GALNT2: variants seen among roughly 807,000 people sequenced by gnomAD.
GALNT2 encodes polypeptide N-acetylgalactosaminyltransferase 2, also known as UDP-GalNAc:polypeptide N-acetylgalactosaminyltransferase 2.
Under a neutral mutation model 81.4 loss-of-function variants are expected in GALNT2, and 31 were observed. That is an observed-to-expected ratio of 0.38 (90% CI 0.29 to 0.51). GALNT2 has a LOEUF of 0.51. Among genes scored for constraint, GALNT2 ranks in the 20% least tolerant of loss-of-function variants. GALNT2 has a pLI of 0.87. For synonymous variants in GALNT2, 303 were observed against 287.4 expected, an observed-to-expected ratio of 1.05 and a Z score of -0.55; for missense variants, 629 against 765.7, an observed-to-expected ratio of 0.82 and a Z score of 2.11.
chr1:230,098,251 G>A (rs896809361), intron 1 of GALNT2, among the ~76,000 whole-genome samples: 3 of 152,082 alleles, frequency 2.0e-5, no homozygotes, highest in Non-Finnish European at 2.9e-5. Flanking sequence ...ACCCTAACAG[G>A]AGTGACTTTC....
At chr1:230,177,243 C>T (rs1237558818) in intron 1 of GALNT2, among the ~76,000 whole-genome samples, 2 of 152,272 alleles carry the variant, frequency 1.3e-5, no homozygotes, top group African/African-American at 4.8e-5. Flanking sequence ...AACGTGCGTG[C>T]AGCACACAGT....
At chr1:230,278,197 C>A (rs1045657004) in intron 15 of GALNT2, among the ~76,000 whole-genome samples, 1 of 150,490 alleles carries the variant, frequency 6.6e-6, no homozygotes, top group Admixed American at 6.7e-5. Flanking sequence ...TAGCTCACTG[C>A]AGCCTCGAAC....
chr1:230,115,700 TC>T (rs1179807523), intron 1 of GALNT2, among the ~76,000 whole-genome samples: 2 of 152,218 alleles, frequency 1.3e-5, no homozygotes, highest in Non-Finnish European at 2.9e-5. Flanking sequence ...GATGGACTCT[TC>T]CTTTCACAAA....
chr1:230,240,985 A>G (rs1374130375), intron 6 of GALNT2, among the ~76,000 whole-genome samples: 1 of 152,176 alleles, frequency 6.6e-6, no homozygotes, highest in Non-Finnish European at 1.5e-5. Context: ...CCATTTTGCT[A>G]CTAAGACCAG....
chr1:230,198,452 C>A (rs373425390), intron 2 of GALNT2, among the ~76,000 whole-genome samples: 26 of 107,242 alleles, frequency 2.4e-4, no homozygotes, highest in African/African-American at 6.9e-4. Flanking sequence ...AGCCCAGGAG[C>A]GTACGAGGAG....
At chr1:230,234,040 A>G (rs934672867) in intron 3 of GALNT2, among the ~76,000 whole-genome samples, 3 of 152,212 alleles carry the variant, frequency 2.0e-5, no homozygotes, top group African/African-American at 4.8e-5. Context: ...TATCATGCAG[A>G]TAAATCTCTC....
chr1:230,244,034 T>A (rs1665289701), intron 7 of GALNT2, among the ~76,000 whole-genome samples: 1 of 151,820 alleles, frequency 6.6e-6, no homozygotes, highest in Non-Finnish European at 1.5e-5. Context: ...CTTTTTTCAC[T>A]TCTCTCGCCT....
At position 230,190,568 on chromosome 1, in the gene GALNT2, C is replaced by T. The variant is rs529112105; in HGVS notation, c.220+12257C>T. Among the ~76,000 whole-genome samples, 10 of 152,296 alleles carry T rather than the reference C, an allele frequency of 6.6e-5. No individual in the cohort carries two copies. In the South Asian group the frequency reaches 1.5e-3, roughly 22 times the overall value. ...AGTAGATTTGGGGGATTTGCTGAGA[C>T]GTCTCTCCACACACGCCCATCTCTC... On this transcript the variant is annotated intron_variant, in intron 2 of 15. Transcript: ENST00000366672.
At chr1:230,250,659 C>A in intron 10 of GALNT2, 99 bp downstream of exon 10, 1 of 749,720 alleles carries the variant, frequency 1.3e-6, no homozygotes, top group East Asian at 2.6e-5. Flanking sequence ...TCAGAGTGAC[C>A]ATTCACTGGG....
intron 1 of GALNT2, among the ~76,000 whole-genome samples, chr1:230,164,147 C>T (rs1388709277): frequency 6.6e-6 from 1 of 152,176 alleles, no homozygotes; most frequent in African/African-American, 2.4e-5. Flanking sequence ...CTCTACAATG[C>T]CTGGCACTTG....
chr1:230,226,627 C>T (rs2102727609), intron 3 of GALNT2, among the ~76,000 whole-genome samples: 1 of 152,324 alleles, frequency 6.6e-6, no homozygotes, highest in South Asian at 2.1e-4. Flanking sequence ...TCTTTCCGAA[C>T]ACATGCGGAG....
chr1:230,232,033 A>G (rs146369080), intron 3 of GALNT2, among the ~76,000 whole-genome samples: 1 of 152,254 alleles, frequency 6.6e-6, no homozygotes, highest in East Asian at 1.9e-4. Flanking sequence ...GAGTTACTAT[A>G]TTGGGTGTTC....
At chr1:230,091,039 T>C (rs1660057223) in intron 1 of GALNT2, among the ~76,000 whole-genome samples, 1 of 152,018 alleles carries the variant, frequency 6.6e-6, no homozygotes, top group Admixed American at 6.5e-5. Context: ...CTGGGGTGTG[T>C]GTACTCCGCA....
intron 14 of GALNT2, among the ~76,000 whole-genome samples, chr1:230,267,879 G>A (rs1336510379): frequency 1.3e-5 from 2 of 152,232 alleles, no homozygotes; most frequent in Non-Finnish European, 2.9e-5. Context: ...CTGCTGGGAA[G>A]CGGGGGGCCC....
chr1:230,085,815 C>A (rs1426365197), intron 1 of GALNT2, among the ~76,000 whole-genome samples: 2 of 152,212 alleles, frequency 1.3e-5, no homozygotes, highest in Non-Finnish European at 2.9e-5. Context: ...CTTAGCCAAC[C>A]ACTTACAGAA....
Position 230,279,481 on chromosome 1 carries a change from T to C in GALNT2, c.*23T>C. The stretch of plus-strand genomic sequence containing the variant: ...TAGGAGGGTCCGGGAGGCCCTGCCG[T>C]CCTGTCTCCTGCACCATTGGGTGGA... On this transcript the variant is annotated 3_prime_UTR_variant, in exon 16 of 16. Coordinates refer to ENST00000366672, the MANE Select transcript of GALNT2 (RefSeq NM_004481.5). The surrounding 1 kb of genome is among the most constrained non-coding windows in gnomAD (Gnocchi z 4.6). 1 of 1,610,158 alleles carries C rather than the reference T, an allele frequency of 6.2e-7. No individual in the cohort carries two copies. The highest frequency in any genetic ancestry group is 1.3e-5 in the African/African-American group (1 of 75,012).
rs562779239 is a variant in GALNT2 at position 230,118,290 on chromosome 1, A to T, written c.126+50884A>T. Among the ~76,000 whole-genome samples the T allele has an allele frequency of 2.3e-4, 35 of 152,360 alleles. 1 individual carries two copies. Among genetic ancestry groups the T allele is most frequent in the African/African-American group, 7.9e-4 (33 of 41,594 alleles). ...TTGGTTGTTTCACATTGTAGCAATT[A>T]TGAATAAAGGTGTTAGGAACATTTG... On this transcript the variant is annotated intron_variant, in intron 1 of 15. Transcript: ENST00000366672.
intron 10 of GALNT2, among the ~76,000 whole-genome samples, chr1:230,252,843 C>CTTTTTTTT (rs58544942): frequency 0.16 from 12,852 of 78,248 alleles, 1,864 homozygotes; most frequent in Non-Finnish European, 0.18. Flanking sequence ...GAGACAACTT[C>CTTTTTTTT]TTTTTTTTTT....
intron 2 of GALNT2, among the ~76,000 whole-genome samples, chr1:230,198,311 C>T (rs914894696): frequency 1.3e-4 from 20 of 149,250 alleles, no homozygotes; most frequent in African/African-American, 3.7e-4. Flanking sequence ...AGGAGTGGCG[C>T]GGGCAGGACA....
Sources: gnomAD v4.1 joint callset for allele counts (sites outside exome capture counted in the v4.1 genomes callset) on GRCh38, gnomAD v4.1.1 for gene constraint, Gnocchi (gnomAD v3.1) non-coding constraint, MANE v1.5 for transcripts, NCBI Gene and HGNC (gene_info 2026-07-23, HGNC 2026-07-21) for gene names.